CALCR: variants seen among roughly 807,000 people sequenced by gnomAD.
CALCR encodes the protein calcitonin receptor.
A neutral mutation model predicts 59.5 loss-of-function variants in CALCR; 47 were observed. The observed-to-expected ratio is 0.79, with a 90% confidence interval of 0.63 to 1.01. CALCR has a LOEUF of 1.01. CALCR is among the 50% of genes least tolerant of loss of function. CALCR has a pLI of 0.00. For synonymous variants in CALCR, 213 were observed against 211.3 expected (o/e 1.01, Z -0.07); for missense variants, 566 against 597.1 (o/e 0.95, Z 0.54).
intron 2 of CALCR, among the ~76,000 whole-genome samples, chr7:93,550,566 A>G (rs915423012): frequency 1.3e-5 from 2 of 149,224 alleles, no homozygotes; most frequent in African/African-American, 2.5e-5. Flanking sequence ...AGAATTCACA[A>G]TAATTATAAC....
intron 7 of CALCR, chr7:93,462,014 G>A: frequency 9.2e-7 from 1 of 1,090,522 alleles, no homozygotes; most frequent in Non-Finnish European, 1.3e-6. Context: ...ATTTTGAAAA[G>A]GAAATTCTGG....
chr7:93,483,209 A>G (rs1348514931), intron 3 of CALCR, among the ~76,000 whole-genome samples: 1 of 151,780 alleles, frequency 6.6e-6, no homozygotes, highest in Non-Finnish European at 1.5e-5. Flanking sequence ...ATCCTCCTGT[A>G]TTATTTAAAT....
In CALCR at chr7:93,429,719, C is replaced by T. The variant is rs115252180; in HGVS notation, c.1192-3130G>A. ...AAGTACCTACTATAGTTATGTACTG[C>T]GGAATAGAAGGTGAGGTTTACCTCT... On this transcript the variant is annotated intron_variant, in intron 13 of 13. Transcript: ENST00000426151. Among the ~76,000 whole-genome samples, 939 of 151,934 alleles carry T rather than the reference C, an allele frequency of 6.2e-3. 7 individuals carry two copies. The highest frequency in any genetic ancestry group is 0.022 in the African/African-American group (907 of 41,458).
At chr7:93,562,073 A>G (rs1563021797) in intron 2 of CALCR, among the ~76,000 whole-genome samples, 1 of 152,092 alleles carries the variant, frequency 6.6e-6, no homozygotes, top group Non-Finnish European at 1.5e-5. Context: ...TGATTCATCC[A>G]AGAATCTTTA....
At chr7:93,523,393 G>C (rs1445313052) in intron 2 of CALCR, among the ~76,000 whole-genome samples, 3 of 152,092 alleles carry the variant, frequency 2.0e-5, no homozygotes, top group Non-Finnish European at 2.9e-5. Flanking sequence ...TATATACATT[G>C]TTCTTGTAAT....
chr7:93,529,944 A>G (rs1051710257), intron 2 of CALCR, among the ~76,000 whole-genome samples: 2 of 152,202 alleles, frequency 1.3e-5, no homozygotes, highest in African/African-American at 2.4e-5. Context: ...CACTATTTCT[A>G]CATTTCTATA....
intron 8 of CALCR, among the ~76,000 whole-genome samples, chr7:93,456,484 T>C (rs1280211182): frequency 6.6e-6 from 1 of 151,668 alleles, no homozygotes; most frequent in Non-Finnish European, 1.5e-5. Context: ...AAACCCCATA[T>C]GTGTGGTTGC....
intron 9 of CALCR, among the ~76,000 whole-genome samples, chr7:93,441,026 T>C (rs1799891264): frequency 6.6e-6 from 1 of 152,038 alleles, no homozygotes; most frequent in African/African-American, 2.4e-5. Context: ...TCCTTTGAAT[T>C]GTTTATGTGT....
chr7:93,515,034 T>G (rs919728403), intron 2 of CALCR, among the ~76,000 whole-genome samples: 4 of 152,066 alleles, frequency 2.6e-5, no homozygotes, highest in African/African-American at 9.7e-5. Context: ...TAACATGTTT[T>G]TCTTCTGGAT....
chr7:93,569,266 C>A (rs1789944754), intron 2 of CALCR, among the ~76,000 whole-genome samples: 1 of 152,046 alleles, frequency 6.6e-6, no homozygotes, highest in African/African-American at 2.4e-5. Flanking sequence ...ATATTAACTC[C>A]TTCAAGGACC....
intron 2 of CALCR, among the ~76,000 whole-genome samples, chr7:93,536,561 T>C (rs1788993646): frequency 6.6e-6 from 1 of 151,852 alleles, no homozygotes; most frequent in African/African-American, 2.4e-5. Context: ...TTATCATTAT[T>C]ATACTTTAAG....
intron 7 of CALCR, among the ~76,000 whole-genome samples, chr7:93,461,630 T>C (rs563874123): frequency 2.0e-5 from 3 of 152,200 alleles, no homozygotes; most frequent in Non-Finnish European, 4.4e-5. Flanking sequence ...CAATGAGAGC[T>C]ATCCAAGTGC....
intron 8 of CALCR, among the ~76,000 whole-genome samples, chr7:93,455,670 A>T (rs1303287108): frequency 6.6e-6 from 1 of 152,076 alleles, no homozygotes; most frequent in East Asian, 1.9e-4. Context: ...GGGTCTTGAA[A>T]ATAGCAATAA....
At chr7:93,477,984 A>AAAAATAAT (rs1364294579) in intron 4 of CALCR, among the ~76,000 whole-genome samples, 1 of 149,474 alleles carries the variant, frequency 6.7e-6, no homozygotes, top group African/African-American at 2.5e-5. Context: ...AAAAAAAAAA[A>AAAAATAAT]AAAAAAAAAA....
chr7:93,543,018 A>G (rs12704680), intron 2 of CALCR, among the ~76,000 whole-genome samples: 57,802 of 152,000 alleles, frequency 0.38, 12,138 homozygotes, highest in Non-Finnish European at 0.48. Context: ...TAAAAGGTAT[A>G]GTATAGTAAT....
intron 2 of CALCR, among the ~76,000 whole-genome samples, chr7:93,558,236 G>A (rs938579658): frequency 6.7e-6 from 1 of 150,184 alleles, no homozygotes; most frequent in Non-Finnish European, 1.5e-5. Context: ...CTACTGCCTT[G>A]TATCCAATTT....
chr7:93,496,088 T>C, intron 2 of CALCR: 1 of 596,846 alleles, frequency 1.7e-6, no homozygotes. Flanking sequence ...CTTTATTTTT[T>C]GTGGAAAGAG....
intron 2 of CALCR, among the ~76,000 whole-genome samples, chr7:93,528,635 G>T (rs1428176289): frequency 6.6e-6 from 1 of 152,138 alleles, no homozygotes; most frequent in Admixed American, 6.6e-5. Context: ...TATCAAAATA[G>T]ATTTTATTCA....
intron 8 of CALCR, among the ~76,000 whole-genome samples, chr7:93,451,487 G>C (rs1459084129): frequency 6.6e-6 from 1 of 151,924 alleles, no homozygotes; most frequent in Non-Finnish European, 1.5e-5. Flanking sequence ...AGTTTTGTCT[G>C]AATCAAATAT....
Sources: allele counts gnomAD v4.1 joint callset (sites outside exome capture counted in the v4.1 genomes callset), GRCh38; gene constraint gnomAD v4.1.1; transcripts MANE v1.5; gene names NCBI Gene and HGNC (gene_info 2026-07-23, HGNC 2026-07-21).